DNAH11: variants seen among roughly 807,000 people sequenced by gnomAD.
The protein encoded by DNAH11 is axonemal beta dynein heavy chain 11.
In DNAH11, 442 loss-of-function variants were observed where a neutral mutation model predicts 526.0. That is an observed-to-expected ratio of 0.84 (90% CI 0.78 to 0.91). DNAH11 has a LOEUF of 0.91. DNAH11 is among the 40% of genes least tolerant of loss of function. DNAH11 has a pLI of 0.00. For missense variants in DNAH11, 6,989 were observed against 5,448.7 expected (o/e 1.28, Z -8.90); for synonymous variants, 2,461 against 1,935.9 (o/e 1.27, Z -7.12).
chr7:21,634,578 T>C lies in DNAH11; in HGVS notation c.4501-1293T>C, dbSNP rs79402862. Among the ~76,000 whole-genome samples, 32 of 152,268 alleles carry C rather than the reference T, an allele frequency of 2.1e-4. No individual in the cohort carries two copies. In the East Asian group the frequency reaches 6.2e-3, roughly 29 times the overall value. On this transcript the variant is annotated intron_variant, in intron 25 of 81. Transcript: ENST00000409508. ...AGTGAGAAATACTAGCTAGGCTCCA[T>C]GGCATTAAAACAAGCACTGCTGAGC...
In DNAH11 at chr7:21,702,797, G is replaced by T. The variant is rs1784119724; in HGVS notation, c.6268G>T (p.Asp2090Tyr). 6.2e-7 allele frequency: 1 copy of T among 1,612,302 alleles called. No individual in the cohort carries two copies. The highest frequency in any genetic ancestry group is 1.1e-5 in the South Asian group (1 of 90,738). The change falls in exon 37 of 82, where the codon GAT (aspartate) becomes TAT (tyrosine). Residue 2090 changes from aspartate to tyrosine, a missense_variant. Physicochemically the swap from Asp to Tyr is radical, Grantham distance 160. Coordinates refer to ENST00000409508, the MANE Select transcript of DNAH11 (RefSeq NM_001277115.2). ...LKRGDKNRPE[D>Y]QVLMRALRDF... ...ACGAGGAGATAAAAATAGACCCGAA[G>T]ATCAGGTACTGCAATGCTAATATGA...
intron 61 of DNAH11, among the ~76,000 whole-genome samples, chr7:21,799,983 T>C (rs1459642886): frequency 1.3e-5 from 2 of 152,174 alleles, no homozygotes; most frequent in Non-Finnish European, 2.9e-5. Context: ...GACAACTTAG[T>C]CAAGACTTTT....
At chr7:21,782,510 T>C (rs755927800) in intron 57 of DNAH11, among the ~76,000 whole-genome samples, 9 of 152,118 alleles carry the variant, frequency 5.9e-5, no homozygotes, top group Non-Finnish European at 8.8e-5. Flanking sequence ...TATAAGTGAG[T>C]TTTTATTTAA....
At chr7:21,858,579 C>T (rs1005763988) in intron 68 of DNAH11, among the ~76,000 whole-genome samples, 1 of 152,094 alleles carries the variant, frequency 6.6e-6, no homozygotes, top group African/African-American at 2.4e-5. Flanking sequence ...GGATATGTCA[C>T]CAAACGATTA....
At chr7:21,791,054 G>A (rs1583699043) in intron 61 of DNAH11, among the ~76,000 whole-genome samples, 1 of 152,212 alleles carries the variant, frequency 6.6e-6, no homozygotes, top group East Asian at 1.9e-4. Flanking sequence ...AGTCATGATG[G>A]AGGGAGAGAG....
chr7:21,600,555 T>G (rs1220149214), intron 15 of DNAH11, 121 bp from the exon 16 acceptor site: 18 of 1,167,444 alleles, frequency 1.5e-5, no homozygotes, highest in Non-Finnish European at 2.1e-5. Flanking sequence ...AAAAGCAACA[T>G]GATTTTTAAT....
chr7:21,711,512 C>T (rs1042467222), intron 41 of DNAH11, among the ~76,000 whole-genome samples, 200 bp from the exon 42 acceptor site: 6 of 152,196 alleles, frequency 3.9e-5, no homozygotes, highest in Non-Finnish European at 5.9e-5. Flanking sequence ...TCGACATTCA[C>T]AAGTCCATTT....
At chr7:21,852,814 G>A (rs1370721609) in intron 67 of DNAH11, among the ~76,000 whole-genome samples, 183 bp downstream of exon 67, 1 of 152,198 alleles carries the variant, frequency 6.6e-6, no homozygotes, top group Non-Finnish European at 1.5e-5. Flanking sequence ...GGTTGAATGT[G>A]TGCTTCTCCT....
intron 73 of DNAH11, among the ~76,000 whole-genome samples, 181 bp from the exon 74 acceptor site, chr7:21,873,093 T>G (rs1583797710): frequency 7.0e-6 from 1 of 143,710 alleles, no homozygotes; most frequent in African/African-American, 2.6e-5. Flanking sequence ...CCTTTTGGCT[T>G]TTTTTTTTTT....
At chr7:21,734,802 T>G (rs1052570797) in intron 45 of DNAH11, among the ~76,000 whole-genome samples, 8 of 147,218 alleles carry the variant, frequency 5.4e-5, no homozygotes, top group East Asian at 4.0e-4. Context: ...AGGCTGCAGT[T>G]AGCCATCATC....
At position 21,589,346 on chromosome 7, in the gene DNAH11, A is replaced by C. The variant is rs758340491; in HGVS notation, c.2112A>C (p.Gln704His). 5.6e-6 allele frequency: 9 copies of C among 1,609,934 alleles called. No homozygotes were observed. The highest frequency in any genetic ancestry group is 7.6e-6 in the Non-Finnish European group (9 of 1,178,392). Residue 704 changes from glutamine to histidine, a missense_variant, in exon 12 of 82, where the codon CAA (glutamine) becomes CAC (histidine). Coordinates refer to ENST00000409508, the MANE Select transcript of DNAH11 (RefSeq NM_001277115.2). The stretch of plus-strand genomic sequence containing the variant: ...AAATCTGTGAATTCAATTTGAATCA[A>C]CCCTTGGTTAAATTCAGTGCCATAA... ...VDEICEFNLN[Q>H]PLVKFSAING...
chr7:21,722,338 T>C (rs980771202), intron 44 of DNAH11, among the ~76,000 whole-genome samples: 1 of 152,204 alleles, frequency 6.6e-6, no homozygotes, highest in Non-Finnish European at 1.5e-5. Flanking sequence ...TCATGGTTCA[T>C]AGTGCTTCTA....
At chr7:21,875,496 C>G (rs918847546) in intron 74 of DNAH11, among the ~76,000 whole-genome samples, 1 of 151,998 alleles carries the variant, frequency 6.6e-6, no homozygotes, top group Non-Finnish European at 1.5e-5. Flanking sequence ...AATACACGTT[C>G]GAAAATATAC....
Position 21,616,256 on chromosome 7 carries a change from G to C in DNAH11, c.4059G>C (p.Val1353=), listed in dbSNP as rs372066048. ...WTKTQWRQIH[V]EQMDVELRRF... is the part of the protein sequence containing the mutation. ...AAACCCAGTGGAGACAGATTCATGT[G>C]GAACAGATGGATGTAGAACTCAGAA... The change falls in exon 22 of 82, where the codon GTG becomes GTC. Residue 1353 remains valine, a synonymous_variant. Transcript: ENST00000409508. The C allele has an allele frequency of 4.2e-5, 67 of 1,613,434 alleles. No homozygotes were observed. In the African/African-American group the frequency reaches 8.5e-4, roughly 21 times the overall value.
At chr7:21,770,286 C>G (rs1357941281) in intron 55 of DNAH11, among the ~76,000 whole-genome samples, 1 of 152,084 alleles carries the variant, frequency 6.6e-6, no homozygotes, top group African/African-American at 2.4e-5. Context: ...ACACAAAATT[C>G]ATTTTTGTTT....
At position 21,814,053 on chromosome 7, in the gene DNAH11, A is replaced by G. The variant is rs993190039; in HGVS notation, c.10333-2414A>G. On this transcript the variant is annotated intron_variant, in intron 63 of 81. Transcript: ENST00000409508. ...CATAGCCTATTGCTCCTAGGCTACA[A>G]ACCTGCACAGCATGTTATTTTATTG... Among the ~76,000 whole-genome samples the G allele has an allele frequency of 3.3e-5, 5 of 152,342 alleles. No homozygotes were observed. The East Asian group carries it at 9.6e-4, about 29-fold the overall frequency.
At chr7:21,609,579 G>A (rs921163089) in intron 20 of DNAH11, among the ~76,000 whole-genome samples, 1 of 151,830 alleles carries the variant, frequency 6.6e-6, no homozygotes, top group African/African-American at 2.4e-5. Flanking sequence ...GAAAAAAAAC[G>A]ATTAAAAATA....
chr7:21,749,854 G>A, intron 53 of DNAH11, 53 bp downstream of exon 53: 1 of 1,606,458 alleles, frequency 6.2e-7, no homozygotes, highest in Non-Finnish European at 8.5e-7. Flanking sequence ...CAAATTATCT[G>A]TAGTTTCAGT....
chr7:21,559,432 C>A (rs1459180463), intron 3 of DNAH11, among the ~76,000 whole-genome samples, 171 bp from the exon 4 acceptor site: 1 of 152,064 alleles, frequency 6.6e-6, no homozygotes, highest in Non-Finnish European at 1.5e-5. Context: ...AGATATGTCA[C>A]TGACAGAATA....
Sources: allele counts gnomAD v4.1 joint callset (sites outside exome capture counted in the v4.1 genomes callset), GRCh38; gene constraint gnomAD v4.1.1; transcripts MANE v1.5; gene names NCBI Gene and HGNC (gene_info 2026-07-23, HGNC 2026-07-21).